The following FAM13A variants were observed in gnomAD, a reference collection of about 807,000 sequenced individuals.
The protein encoded by FAM13A is protein FAM13A.
In FAM13A, 76 loss-of-function variants were observed where a neutral mutation model predicts 129.6. The ratio of observed to expected loss-of-function variants is 0.59; its 90% CI spans 0.49 to 0.71. The LOEUF (loss-of-function observed/expected upper bound fraction) is 0.71, where lower values mean the gene tolerates loss of function less well. FAM13A is among the 30% of genes least tolerant of loss of function. The pLI is 0.00. For synonymous variants in FAM13A, 443 were observed against 449.9 expected, an observed-to-expected ratio of 0.98 and a Z score of 0.20; for missense variants, 1,108 against 1,249.3, an observed-to-expected ratio of 0.89 and a Z score of 1.70.
At chr4:88,747,563 C>A (rs1306539604) in intron 18 of FAM13A, 68 bp downstream of exon 18, 1 of 1,276,726 alleles carries the variant, frequency 7.8e-7, no homozygotes, top group Non-Finnish European at 1.1e-6. Flanking sequence ...ATTCACGTGG[C>A]ATGCCCTGTG....
intron 8 of FAM13A, among the ~76,000 whole-genome samples, chr4:88,792,338 C>T (rs947570883): frequency 6.6e-6 from 1 of 152,034 alleles, no homozygotes; most frequent in Non-Finnish European, 1.5e-5. Context: ...AGCTCTTAAT[C>T]ACTCCACTAG....
intron 7 of FAM13A, among the ~76,000 whole-genome samples, chr4:88,836,396 G>A (rs1276476069): frequency 1.3e-5 from 2 of 152,158 alleles, no homozygotes; most frequent in Admixed American, 6.5e-5. Context: ...TATGGCCCAA[G>A]TACCCTTGGA....
At chr4:88,799,245 G>A (rs984497277) in intron 8 of FAM13A, among the ~76,000 whole-genome samples, 3 of 152,132 alleles carry the variant, frequency 2.0e-5, no homozygotes, top group African/African-American at 7.2e-5. Flanking sequence ...CACGACCTGA[G>A]ACTTAGAATC....
At chr4:88,788,217 T>G (rs539494545) in intron 9 of FAM13A, among the ~76,000 whole-genome samples, 7 of 152,166 alleles carry the variant, frequency 4.6e-5, no homozygotes, top group Non-Finnish European at 1.0e-4. Flanking sequence ...TATGAGGCAT[T>G]CAGGAAACAG....
chr4:88,997,015 T>C (rs992391947), intron 3 of FAM13A, among the ~76,000 whole-genome samples: 3 of 152,164 alleles, frequency 2.0e-5, no homozygotes, highest in South Asian at 2.1e-4. Context: ...GGAATATTAC[T>C]GTTAGGTAGG....
chr4:88,737,022 T>C (rs1190339695), intron 21 of FAM13A, among the ~76,000 whole-genome samples: 1 of 152,214 alleles, frequency 6.6e-6, no homozygotes, highest in Non-Finnish European at 1.5e-5. Flanking sequence ...TTTATATATA[T>C]ATTTCCTATG....
chr4:88,870,216 G>A (rs1321040435), intron 6 of FAM13A, among the ~76,000 whole-genome samples: 1 of 152,104 alleles, frequency 6.6e-6, no homozygotes, highest in Non-Finnish European at 1.5e-5. Flanking sequence ...CAGCGTGATC[G>A]ATGCAGAAGA....
intron 11 of FAM13A, among the ~76,000 whole-genome samples, chr4:88,769,753 A>G (rs951152593): frequency 6.6e-6 from 1 of 151,772 alleles, no homozygotes; most frequent in African/African-American, 2.4e-5. Flanking sequence ...AATTGCTTGA[A>G]CCTGGGAGGT....
chr4:88,959,026 A>AT (rs1758204879), intron 4 of FAM13A, among the ~76,000 whole-genome samples: 2 of 152,190 alleles, frequency 1.3e-5, no homozygotes, highest in South Asian at 4.2e-4. Flanking sequence ...CTTTTGGTTG[A>AT]TTTTTCCCAT....
intron 6 of FAM13A, among the ~76,000 whole-genome samples, chr4:88,875,438 T>C (rs1033443664): frequency 3.3e-5 from 5 of 152,152 alleles, no homozygotes; most frequent in Admixed American, 2.0e-4. Context: ...CTTAAACAAA[T>C]TTACAAGAAT....
intron 8 of FAM13A, among the ~76,000 whole-genome samples, chr4:88,800,696 C>CAAAAAAAAAAAAAAAAA (rs1185321303): frequency 1.3e-4 from 7 of 53,490 alleles, no homozygotes; most frequent in Non-Finnish European, 1.5e-4. Context: ...GAAACAAAAA[C>CAAAAAAAAAAAAAAAAA]AAAAAAAAAA....
chr4:88,924,143 C>G (rs927484051), intron 5 of FAM13A, among the ~76,000 whole-genome samples: 7 of 152,142 alleles, frequency 4.6e-5, no homozygotes, highest in South Asian at 2.1e-4. Flanking sequence ...GTAATTTATA[C>G]CTTCAATGCC....
intron 4 of FAM13A, among the ~76,000 whole-genome samples, chr4:88,967,972 CT>C (rs1311322124): frequency 2.0e-5 from 3 of 152,138 alleles, no homozygotes; most frequent in Non-Finnish European, 4.4e-5. Flanking sequence ...TGTGTGTTTA[CT>C]TTCCACAATT....
chr4:88,868,228 G>A (rs1009426978), intron 6 of FAM13A, among the ~76,000 whole-genome samples: 1 of 152,034 alleles, frequency 6.6e-6, no homozygotes, highest in African/African-American at 2.4e-5. Flanking sequence ...ATGAGCGGAG[G>A]CCCCAACATT....
intron 3 of FAM13A, among the ~76,000 whole-genome samples, chr4:89,014,268 G>A (rs1259207944): frequency 3.3e-5 from 5 of 152,196 alleles, no homozygotes; most frequent in Admixed American, 6.5e-5. Flanking sequence ...AAGAGGTGCT[G>A]CTGACAACTT....
chr4:88,951,446 G>A (rs1250767263), intron 4 of FAM13A, among the ~76,000 whole-genome samples: 2 of 152,188 alleles, frequency 1.3e-5, no homozygotes, highest in Non-Finnish European at 2.9e-5. Context: ...CTTGCTTATA[G>A]AAACTTTTCA....
At chr4:88,913,550 A>G (rs549327400) in intron 5 of FAM13A, among the ~76,000 whole-genome samples, 2 of 151,570 alleles carry the variant, frequency 1.3e-5, no homozygotes, top group South Asian at 2.1e-4. Context: ...AAGAGGAGGA[A>G]GAGGAGGAGG....
Position 88,832,845 on chromosome 4 carries a change from GAAA to G in FAM13A, c.1007+18172_1007+18174del, listed in dbSNP as rs1365930577. ...GGTGATTCCTCAAAGATCTAGAACA[GAAA>G]TACCATTTGACTCAGCAATCCCATT... is the stretch of plus-strand genomic sequence containing the variant. On this transcript the variant is annotated intron_variant, in intron 7 of 23. Coordinates refer to ENST00000264344, the MANE Select transcript of FAM13A (RefSeq NM_014883.4). 4.5e-3 allele frequency among the ~76,000 whole-genome samples: 679 copies of G among 152,296 alleles called. 3 individuals are homozygous for G. The highest frequency in any genetic ancestry group is 0.015 in the African/African-American group (642 of 41,566).
At chr4:88,759,117 A>G in intron 13 of FAM13A, 1 of 474,756 alleles carries the variant, frequency 2.1e-6, no homozygotes, top group South Asian at 3.7e-5. Context: ...AACTTTCCCC[A>G]GGCTGCTCTT....
Sources: gnomAD v4.1 joint callset for allele counts (sites outside exome capture counted in the v4.1 genomes callset) on GRCh38, gnomAD v4.1.1 for gene constraint, MANE v1.5 for transcripts, NCBI Gene and HGNC (gene_info 2026-07-23, HGNC 2026-07-21) for gene names.